Variants in STK3 observed in about 807,000 individuals in gnomAD.
The protein encoded by STK3 is serine/threonine kinase 3.
Under a neutral mutation model 58.0 loss-of-function variants are expected in STK3, and 41 were observed. The observed-to-expected ratio is 0.71, with a 90% CI of 0.55 to 0.92. The LOEUF is 0.92. STK3 is among the 40% of genes least tolerant of loss of function. STK3 has a pLI of 0.00. For missense variants in STK3, 479 were observed against 602.7 expected, an observed-to-expected ratio of 0.79 and a Z score of 2.15; for synonymous variants, 170 against 191.0, an observed-to-expected ratio of 0.89 and a Z score of 0.91.
At chr8:98,522,029 G>C (rs2131458321) in intron 10 of STK3, among the ~76,000 whole-genome samples, 1 of 152,178 alleles carries the variant, frequency 6.6e-6, no homozygotes, top group East Asian at 1.9e-4. Context: ...ACAATCCAAA[G>C]TAAAATATTT....
chr8:98,606,990 G>A (rs991206929), intron 6 of STK3, among the ~76,000 whole-genome samples: 1 of 152,216 alleles, frequency 6.6e-6, no homozygotes, highest in Non-Finnish European at 1.5e-5. Context: ...GAGTGGTCAT[G>A]TTGGGGATCA....
intron 1 of STK3, chr8:98,883,853 T>A (rs1273941732): frequency 3.1e-6 from 2 of 642,024 alleles, no homozygotes; most frequent in Non-Finnish European, 5.7e-6. Context: ...AATAAAAGAT[T>A]CACTCCTTAG....
chr8:98,759,000 T>C (rs1830459450), intron 3 of STK3, among the ~76,000 whole-genome samples: 2 of 152,224 alleles, frequency 1.3e-5, no homozygotes, highest in South Asian at 2.1e-4. Context: ...TGTGGCTGGT[T>C]TGAACTTCTA....
chr8:98,359,102 G>A, the STK3 span, among the ~76,000 whole-genome samples: 1 of 151,976 alleles, frequency 6.6e-6, no homozygotes, highest in East Asian at 1.9e-4. Flanking sequence ...AGCTCCCAGG[G>A]GCAAGAACTG....
intron 1 of STK3, among the ~76,000 whole-genome samples, chr8:98,938,393 T>G (rs1587874761): frequency 1.3e-5 from 2 of 152,268 alleles, no homozygotes; most frequent in East Asian, 1.9e-4. Context: ...ATAAGAAGAC[T>G]AGAAAGTGCC....
chr8:98,921,839 G>A (rs879557854), intron 1 of STK3, among the ~76,000 whole-genome samples: 5 of 152,130 alleles, frequency 3.3e-5, no homozygotes, highest in Admixed American at 6.5e-5. Context: ...CTACAGGTGC[G>A]CACCACCAAG....
At chr8:98,668,978 T>C (rs1822575045) in intron 6 of STK3, among the ~76,000 whole-genome samples, 1 of 149,442 alleles carries the variant, frequency 6.7e-6, no homozygotes, top group Non-Finnish European at 1.5e-5. Context: ...ACGTGCCAAA[T>C]TAATCTTGTC....
At chr8:98,582,093 T>A (rs1813951660) in intron 7 of STK3, among the ~76,000 whole-genome samples, 1 of 152,184 alleles carries the variant, frequency 6.6e-6, no homozygotes, top group South Asian at 2.1e-4. Flanking sequence ...AATAAACTTT[T>A]CAAGCAGTCT....
chr8:98,426,277 C>A (rs531634205), intron 3 of STK3, among the ~76,000 whole-genome samples: 1 of 152,318 alleles, frequency 6.6e-6, no homozygotes, highest in East Asian at 1.9e-4. Context: ...CGCTGACACA[C>A]GTCCCAGGTC....
chr8:98,368,828 G>A (rs886709911), downstream of STK3, among the ~76,000 whole-genome samples: 10 of 152,158 alleles, frequency 6.6e-5, no homozygotes, highest in Admixed American at 3.3e-4. Context: ...ACCTTACGTA[G>A]GCCTTCTCGG....
chr8:98,491,205 G>C (rs970074110), intron 10 of STK3, among the ~76,000 whole-genome samples: 3 of 150,678 alleles, frequency 2.0e-5, no homozygotes, highest in Non-Finnish European at 4.4e-5. Context: ...GAGAGACAGA[G>C]AGAGAGAGAG....
chr8:98,655,397 G>A (rs1398853522), intron 6 of STK3, among the ~76,000 whole-genome samples: 1 of 152,150 alleles, frequency 6.6e-6, no homozygotes, highest in Admixed American at 6.5e-5. Context: ...AGAAAACCTA[G>A]GCATTACCAT....
chr8:98,353,835 A>G, the STK3 span, among the ~76,000 whole-genome samples: 3 of 152,234 alleles, frequency 2.0e-5, no homozygotes, highest in African/African-American at 7.2e-5. Flanking sequence ...CAAAGGAACC[A>G]GGAGGAGAGG....
chr8:98,557,581 C>T (rs1020054587), intron 8 of STK3, among the ~76,000 whole-genome samples: 6 of 152,094 alleles, frequency 3.9e-5, no homozygotes, highest in South Asian at 4.2e-4. Context: ...TTCAAATAGC[C>T]GCCCTTAAGT....
intron 10 of STK3, among the ~76,000 whole-genome samples, chr8:98,466,943 G>C (rs1653024278): frequency 6.6e-6 from 1 of 152,116 alleles, no homozygotes; most frequent in South Asian, 2.1e-4. Flanking sequence ...CTACTCCAAT[G>C]GCCCTTAGTT....
At chr8:98,384,889 T>C (rs1817774384) in intron 1 of STK3, among the ~76,000 whole-genome samples, 1 of 152,170 alleles carries the variant, frequency 6.6e-6, no homozygotes, top group South Asian at 2.1e-4. Flanking sequence ...CATCACGTCA[T>C]ACCTGGGCCA....
At chr8:98,624,404 A>ATCTCG in intron 6 of STK3, among the ~76,000 whole-genome samples, 1 of 152,170 alleles carries the variant, frequency 6.6e-6, no homozygotes, top group African/African-American at 2.4e-5. Flanking sequence ...CTCCTTTTAG[A>ATCTCG]GTTGTTTTAG....
chr8:98,592,526 T>TGTGTGTTTTTGGG (rs1460626132), intron 7 of STK3, among the ~76,000 whole-genome samples: 1 of 152,098 alleles, frequency 6.6e-6, no homozygotes, highest in Admixed American at 6.6e-5. Context: ...TTCAGTTTTT[T>TGTGTGTTTTTGGG]GTGTGTTTTT....
intron 1 of STK3, among the ~76,000 whole-genome samples, chr8:98,448,010 AAG>A (rs1430453299): frequency 6.6e-6 from 1 of 150,474 alleles, no homozygotes; most frequent in Non-Finnish European, 1.5e-5. Flanking sequence ...GAAAAAAAAA[AAG>A]AACTTTAAAA....
Sources: gnomAD v4.1 joint callset for allele counts (sites outside exome capture counted in the v4.1 genomes callset) on GRCh38, gnomAD v4.1.1 for gene constraint, MANE v1.5 for transcripts, NCBI Gene and HGNC (gene_info 2026-07-23, HGNC 2026-07-21) for gene names.